Variants in DOCK7 observed in about 807,000 individuals in gnomAD.
The protein encoded by DOCK7 is dedicator of cytokinesis protein 7.
DOCK7 carries 138 observed loss-of-function variants against 271.0 expected under a neutral mutation model. The ratio of observed to expected loss-of-function variants is 0.51; its 90% CI spans 0.44 to 0.59. The LOEUF (loss-of-function observed/expected upper bound fraction) is 0.59, where lower values mean the gene tolerates loss of function less well. DOCK7 is among the 20% of genes least tolerant of loss of function. The pLI, the probability that DOCK7 is intolerant of heterozygous loss-of-function variation, is 0.00. For synonymous variants in DOCK7, 823 were observed against 876.1 expected (o/e 0.94, Z 1.07); for missense variants, 2,066 against 2,592.4 (o/e 0.80, Z 4.41).
intron 16 of DOCK7, 69 bp downstream of exon 16, chr1:62,583,115 C>G (rs1647186789): frequency 1.6e-6 from 2 of 1,288,064 alleles, no homozygotes; most frequent in Non-Finnish European, 2.2e-6. Flanking sequence ...TTGGTAAACA[C>G]ACTAATGTGA....
chr1:62,574,131 C>A (rs1462221050), intron 18 of DOCK7, among the ~76,000 whole-genome samples: 1 of 151,994 alleles, frequency 6.6e-6, no homozygotes, highest in African/African-American at 2.4e-5. Context: ...CCCCTAAATG[C>A]CATGTTTCTA....
intron 14 of DOCK7, chr1:62,598,775 A>G (rs1172752112): frequency 6.2e-7 from 1 of 1,607,154 alleles, no homozygotes; most frequent in African/African-American, 1.3e-5. Flanking sequence ...TTAAACCAAC[A>G]GCATAGTCAA....
intron 21 of DOCK7, among the ~76,000 whole-genome samples, chr1:62,555,553 CAA>C (rs1279520009): frequency 2.0e-5 from 3 of 152,064 alleles, no homozygotes; most frequent in African/African-American, 7.2e-5. Context: ...CTTCCAGAGA[CAA>C]AGTTATTTTC....
chr1:62,663,445 G>C (rs982351332), intron 1 of DOCK7, among the ~76,000 whole-genome samples: 1 of 151,658 alleles, frequency 6.6e-6, no homozygotes, highest in South Asian at 2.1e-4. Context: ...TCTGTAGTTG[G>C]GAGCTATAAA....
intron 14 of DOCK7, among the ~76,000 whole-genome samples, chr1:62,612,145 G>C (rs1651876560): frequency 6.6e-6 from 1 of 152,066 alleles, no homozygotes; most frequent in South Asian, 2.1e-4. Context: ...ATCAGAGCAA[G>C]ATTCTGTCAC....
intron 48 of DOCK7, 40 bp from the exon 49 acceptor site, chr1:62,457,745 A>G (rs980025278): frequency 2.5e-6 from 4 of 1,596,572 alleles, no homozygotes; most frequent in South Asian, 2.3e-5. Context: ...TACTTCTGGC[A>G]TAGTTTGTGG....
intron 1 of DOCK7, among the ~76,000 whole-genome samples, chr1:62,672,787 T>A (rs1165571853): frequency 2.0e-5 from 3 of 152,122 alleles, no homozygotes; most frequent in Non-Finnish European, 4.4e-5. Context: ...TTATGAAAGG[T>A]AGAGGCAGGG....
intron 21 of DOCK7, among the ~76,000 whole-genome samples, chr1:62,554,561 T>A (rs1052081220): frequency 2.6e-5 from 4 of 152,168 alleles, no homozygotes; most frequent in African/African-American, 9.7e-5. Context: ...ACCTGTCTTT[T>A]ATTTTTAAAA....
chr1:62,566,160 T>A (rs1032995942), intron 18 of DOCK7, among the ~76,000 whole-genome samples: 6 of 152,142 alleles, frequency 3.9e-5, no homozygotes, highest in African/African-American at 1.4e-4. Flanking sequence ...GCCATCCCCA[T>A]CAAGCTACCA....
chr1:62,601,410 G>C (rs963054907), intron 14 of DOCK7, among the ~76,000 whole-genome samples: 1 of 151,558 alleles, frequency 6.6e-6, no homozygotes, highest in Non-Finnish European at 1.5e-5. Context: ...AGATAATATA[G>C]AAGGTTTATT....
intron 37 of DOCK7, among the ~76,000 whole-genome samples, chr1:62,499,457 T>C (rs1046838709): frequency 4.6e-5 from 7 of 151,370 alleles, no homozygotes; most frequent in African/African-American, 1.5e-4. Flanking sequence ...AAATGGGAGG[T>C]TGCCAACACA....
intron 1 of DOCK7, among the ~76,000 whole-genome samples, chr1:62,674,524 T>C (rs1197446570): frequency 6.6e-6 from 1 of 152,106 alleles, no homozygotes; most frequent in Admixed American, 6.5e-5. Context: ...AAGTAAAAAA[T>C]TGGAGGACCC....
At chr1:62,684,123 C>T (rs1661469008) in intron 1 of DOCK7, among the ~76,000 whole-genome samples, 2 of 151,382 alleles carry the variant, frequency 1.3e-5, no homozygotes, top group Non-Finnish European at 2.9e-5. Flanking sequence ...ACAGGAGAAT[C>T]GCCTGAACCC....
rs760324157 is a variant in DOCK7 at position 62,558,970 on chromosome 1, C to G, written c.2431+19G>C. 6.3e-7 allele frequency: 1 copy of G among 1,586,102 alleles called. No individual in the cohort carries two copies. Among genetic ancestry groups the G allele is most frequent in the Non-Finnish European group, 8.6e-7 (1 of 1,159,982 alleles). ...AAGTTATAAATTTCACGTCTCATCC[C>G]CAAACAAAAGTAAATTACCTATTTG... is the stretch of plus-strand genomic sequence containing the variant. On this transcript the variant is annotated intron_variant, in intron 20 of 49. Coordinates refer to ENST00000635253, the MANE Select transcript of DOCK7 (RefSeq NM_001367561.1).
chr1:62,513,970 T>C, intron 31 of DOCK7, 72 bp from the exon 32 acceptor site: 1 of 1,398,256 alleles, frequency 7.2e-7, no homozygotes. Flanking sequence ...TATCAACTGT[T>C]TTCTTCTAAA....
chr1:62,576,244 G>A (rs1362417491), intron 18 of DOCK7, among the ~76,000 whole-genome samples: 2 of 152,100 alleles, frequency 1.3e-5, no homozygotes, highest in Non-Finnish European at 2.9e-5. Context: ...AATGACATGA[G>A]GAAAAATAAA....
intron 19 of DOCK7, among the ~76,000 whole-genome samples, chr1:62,560,340 C>T (rs2131926): frequency 0.58 from 88,047 of 151,922 alleles, 27,300 homozygotes; most frequent in East Asian, 0.76. Flanking sequence ...TCACATTTAC[C>T]AATATAGTTT....
Position 62,475,947 on chromosome 1 carries a change from G to C in DOCK7, c.5725-4C>G. 6.2e-7 allele frequency: 1 copy of C among 1,611,094 alleles called. No individual in the cohort carries two copies. Among genetic ancestry groups the C allele is most frequent in the Non-Finnish European group, 8.5e-7 (1 of 1,178,718 alleles). Reference sequence around the variant, plus strand: ...CATAGGTAATCTGAATATATGCCTAGGAAAGAAAAAAGTCCTTCATTTCCT... The same window carrying C: ...CATAGGTAATCTGAATATATGCCTACGAAAGAAAAAAGTCCTTCATTTCCT... On this transcript the variant is annotated splice_region_variant and splice_polypyrimidine_tract_variant and intron_variant, in intron 45 of 49. Transcript: ENST00000635253.
intron 48 of DOCK7, among the ~76,000 whole-genome samples, chr1:62,464,617 GGTTGCA>G (rs1184430244): frequency 6.6e-6 from 1 of 152,016 alleles, no homozygotes; most frequent in East Asian, 2.0e-4. Context: ...GGGAGGTAGA[GGTTGCA>G]GTAAGCCGAG....
Sources: gnomAD v4.1 joint callset for allele counts (sites outside exome capture counted in the v4.1 genomes callset) on GRCh38, gnomAD v4.1.1 for gene constraint, MANE v1.5 for transcripts, NCBI Gene and HGNC (gene_info 2026-07-23, HGNC 2026-07-21) for gene names.